Variants in BTBD9 observed in about 807,000 individuals in gnomAD.
BTBD9 encodes the protein BTB domain containing 9.
In BTBD9, 49 loss-of-function variants were observed where a neutral mutation model predicts 64.3. The observed-to-expected ratio is 0.76, with a 90% CI of 0.61 to 0.97. The LOEUF is 0.97. Among genes scored for constraint, BTBD9 ranks in the 50% least tolerant of loss-of-function variants. The pLI is 0.00. For synonymous variants in BTBD9, 260 were observed against 274.7 expected, an observed-to-expected ratio of 0.95 and a Z score of 0.53; for missense variants, 598 against 762.1, an observed-to-expected ratio of 0.78 and a Z score of 2.53.
intron 6 of BTBD9, among the ~76,000 whole-genome samples, chr6:38,424,859 G>A (rs558320014): frequency 1.3e-5 from 2 of 151,456 alleles, no homozygotes; most frequent in East Asian, 3.9e-4. Context: ...TATTATTTGA[G>A]ACAGAGTCTC....
chr6:38,487,198 AC>A (rs1458518962), intron 6 of BTBD9, among the ~76,000 whole-genome samples: 1 of 152,224 alleles, frequency 6.6e-6, no homozygotes, highest in Non-Finnish European at 1.5e-5. Flanking sequence ...GAAGAACTAG[AC>A]AAAATTATGT....
chr6:38,631,329 AC>A (rs1778354060), intron 1 of BTBD9, among the ~76,000 whole-genome samples: 1 of 152,248 alleles, frequency 6.6e-6, no homozygotes, highest in African/African-American at 2.4e-5. Flanking sequence ...AAATGGCTTC[AC>A]GGGAAAAAGG....
rs904678766 is a variant in BTBD9, at chr6:38,595,833, TCCAA to T, written c.186-1510_186-1507del. 1.9e-4 allele frequency: 188 copies of T among 985,322 alleles called. No individual in the cohort carries two copies. The African/African-American group carries it at 3.0e-3, about 16-fold the overall frequency. 61.0% of individuals were successfully genotyped at this position (985,322 alleles called of 1,614,324 possible). ...AAGGTTTCCATTAATCCAGAGAGCA[TCCAA>T]CCATTACCCTAAAATTACCAAATTA... On this transcript the variant is annotated intron_variant, in intron 2 of 10. Coordinates refer to ENST00000481247, the MANE Select transcript of BTBD9 (RefSeq NM_001099272.2).
At chr6:38,627,578 CA>C (rs2127529413) in intron 1 of BTBD9, among the ~76,000 whole-genome samples, 1 of 152,288 alleles carries the variant, frequency 6.6e-6, no homozygotes, top group African/African-American at 2.4e-5. Flanking sequence ...AACACAAGAA[CA>C]GCACCGGTGT....
At chr6:38,501,461 A>G (rs1456514894) in intron 6 of BTBD9, among the ~76,000 whole-genome samples, 1 of 152,260 alleles carries the variant, frequency 6.6e-6, no homozygotes, top group Non-Finnish European at 1.5e-5. Flanking sequence ...TTGGGCACAT[A>G]GTAAACACTC....
intron 7 of BTBD9, among the ~76,000 whole-genome samples, chr6:38,299,416 C>T (rs937464076): frequency 6.6e-6 from 1 of 152,104 alleles, no homozygotes; most frequent in African/African-American, 2.4e-5. Flanking sequence ...GTTCTAGATC[C>T]CTGAGGAATC....
At chr6:38,324,609 G>A (rs1214480842) in intron 7 of BTBD9, among the ~76,000 whole-genome samples, 1 of 152,140 alleles carries the variant, frequency 6.6e-6, no homozygotes, top group Non-Finnish European at 1.5e-5. Flanking sequence ...TAGTGGTGGT[G>A]AGAAACTGAC....
At position 38,589,370 on chromosome 6, in the gene BTBD9, C is replaced by T. The variant is rs16890834; in HGVS notation, c.814+3206G>A. On this transcript the variant is annotated intron_variant, in intron 4 of 10. Transcript: ENST00000481247. ...CTGCAAACATGTCCCAAGATTATCC[C>T]TATAATGAATCCAGTTCTAGGGCCT... 4.2e-3 allele frequency among the ~76,000 whole-genome samples: 644 copies of T among 152,286 alleles called. 9 individuals are homozygous for T. The highest frequency in any genetic ancestry group is 0.015 in the African/African-American group (607 of 41,558).
intron 7 of BTBD9, among the ~76,000 whole-genome samples, chr6:38,309,679 G>A (rs1052253915): frequency 5.9e-5 from 9 of 151,682 alleles, no homozygotes; most frequent in Non-Finnish European, 1.2e-4. Context: ...CCAAAGTGCT[G>A]GGATTACAGG....
chr6:38,233,392 A>G (rs916061668), intron 9 of BTBD9, among the ~76,000 whole-genome samples: 1 of 152,238 alleles, frequency 6.6e-6, no homozygotes, highest in African/African-American at 2.4e-5. Context: ...AACCCATAAT[A>G]TATCAGAGCA....
At chr6:38,481,298 G>C (rs892979733) in intron 6 of BTBD9, among the ~76,000 whole-genome samples, 4 of 152,144 alleles carry the variant, frequency 2.6e-5, no homozygotes, top group Non-Finnish European at 5.9e-5. Flanking sequence ...ATTCCTTTCT[G>C]AATGAGAGCT....
intron 6 of BTBD9, among the ~76,000 whole-genome samples, chr6:38,577,222 C>T (rs762538465): frequency 6.6e-6 from 1 of 152,190 alleles, no homozygotes; most frequent in Non-Finnish European, 1.5e-5. Context: ...AAATATTTCT[C>T]ATGGCTTTCA....
chr6:38,593,175 C>T (rs1452216510), intron 3 of BTBD9, among the ~76,000 whole-genome samples: 1 of 152,154 alleles, frequency 6.6e-6, no homozygotes, highest in Admixed American at 6.5e-5. Context: ...AGAGAGTGTA[C>T]ATTGTTAAGT....
chr6:38,547,290 C>T lies in BTBD9; in HGVS notation c.1154+30310G>A, dbSNP rs115051479. ...CAAAAAATACAAATAATTAGCTGGG[C>T]GTGGTGGCACATGCCAGTAGTTCCA... On this transcript the variant is annotated intron_variant, in intron 6 of 10. Coordinates refer to ENST00000481247, the MANE Select transcript of BTBD9 (RefSeq NM_001099272.2). Among the ~76,000 whole-genome samples, 158 of 152,168 alleles carry T rather than the reference C, an allele frequency of 1.0e-3. 1 individual carries two copies. The highest frequency in any genetic ancestry group is 3.5e-3 in the African/African-American group (146 of 41,508).
chr6:38,176,696 T>C (rs1761270104), intron 10 of BTBD9, among the ~76,000 whole-genome samples: 1 of 152,068 alleles, frequency 6.6e-6, no homozygotes, highest in African/African-American at 2.4e-5. Context: ...TGAACACTAT[T>C]TGGGCCATCA....
rs367843041 is a variant in BTBD9, at chr6:38,448,900, C to A, written c.1155-103807G>T. ...AGTTCTATTATAGTATTTATGAGGACCATATGAGAAAATAATTGATATAAC... is the reference window on the plus strand; with the variant it reads ...AGTTCTATTATAGTATTTATGAGGAACATATGAGAAAATAATTGATATAAC... On this transcript the variant is annotated intron_variant, in intron 6 of 10. Transcript: ENST00000481247. Among the ~76,000 whole-genome samples the A allele has an allele frequency of 2.4e-4, 37 of 152,222 alleles. No individual in the cohort carries two copies. In the South Asian group the frequency reaches 7.0e-3, roughly 29 times the overall value.
intron 6 of BTBD9, among the ~76,000 whole-genome samples, chr6:38,411,950 CACAT>C (rs1403892116): frequency 2.0e-5 from 3 of 151,938 alleles, no homozygotes; most frequent in Non-Finnish European, 4.4e-5. Context: ...TATGTGTACA[CACAT>C]ACACACACAT....
intron 7 of BTBD9, among the ~76,000 whole-genome samples, chr6:38,325,461 G>A (rs188891611): frequency 3.4e-4 from 52 of 152,254 alleles, no homozygotes; most frequent in African/African-American, 1.1e-3. Context: ...CGAGGCGGGC[G>A]GATCATGAGG....
At chr6:38,223,708 C>G (rs1029333060) in intron 9 of BTBD9, among the ~76,000 whole-genome samples, 1 of 152,078 alleles carries the variant, frequency 6.6e-6, no homozygotes, top group Non-Finnish European at 1.5e-5. Flanking sequence ...TCTGCCCTCA[C>G]GCTGTCATAC....
Sources: gnomAD v4.1 joint callset for allele counts (sites outside exome capture counted in the v4.1 genomes callset) on GRCh38, gnomAD v4.1.1 for gene constraint, MANE v1.5 for transcripts, NCBI Gene and HGNC (gene_info 2026-07-23, HGNC 2026-07-21) for gene names.